ORMDL3: variants seen among roughly 807,000 people sequenced by gnomAD.
The protein encoded by ORMDL3 is ORMDL sphingolipid biosynthesis regulator 3, also known as ORM1-like protein 3.
In ORMDL3, 6 loss-of-function variants were observed where a neutral mutation model predicts 12.6. That is an observed-to-expected ratio of 0.48 (90% CI 0.26 to 0.94). The LOEUF (loss-of-function observed/expected upper bound fraction) is 0.94, where lower values mean the gene tolerates loss of function less well. ORMDL3 is among the 40% of genes least tolerant of loss of function. The pLI is 0.14. For synonymous variants in ORMDL3, 99 were observed against 87.2 expected (o/e 1.14, Z -0.75); for missense variants, 159 against 205.5 (o/e 0.77, Z 1.38).
Position 39,924,025 on chromosome 17 carries a change from C to T in ORMDL3, c.174+5G>A. 1.3e-6 allele frequency: 2 copies of T among 1,596,562 alleles called. No individual in the cohort carries two copies. Among genetic ancestry groups the T allele is most frequent in the Non-Finnish European group, 1.7e-6 (2 of 1,170,214 alleles). On this transcript the variant is annotated splice_donor_5th_base_variant and intron_variant, in intron 2 of 3. Coordinates refer to ENST00000304046, the MANE Select transcript of ORMDL3 (RefSeq NM_139280.4). ...GGCAGGGGCAGGCAGCAGACAGGCT[C>T]TCACCATGTTGTGAATGAGGTTGGT... is the stretch of plus-strand genomic sequence containing the variant.
In ORMDL3 at chr17:39,923,145, GA is replaced by G. The variant is rs776498371; in HGVS notation, c.292del (p.Ser98LeufsTer5). 9.9e-6 allele frequency: 16 copies of G among 1,614,112 alleles called. No homozygotes were observed. The Admixed American group carries it at 1.2e-4, about 12-fold the overall frequency. On this transcript the variant is annotated frameshift_variant, in exon 3 of 4. Coordinates refer to ENST00000304046, the MANE Select transcript of ORMDL3 (RefSeq NM_139280.4). LOFTEE classifies it high-confidence loss of function. ...QMDYGVQFTA[S>X]RKFLTITPIV... ...GGGTGTGATGGTCAAGAACTTCCGA[GA>G]GGCCGTGAACTGGACCCCATAATCC...
intron 3 of ORMDL3, 66 bp from the exon 4 acceptor site, chr17:39,922,751 C>T: frequency 1.9e-6 from 3 of 1,543,384 alleles, no homozygotes; most frequent in Non-Finnish European, 2.6e-6. Context: ...CCCTCACTTC[C>T]TGGGAGGGGA....
At chr17:39,922,973 T>G in intron 3 of ORMDL3, 139 bp downstream of exon 3, 1 of 1,226,754 alleles carries the variant, frequency 8.2e-7, no homozygotes, top group Non-Finnish European at 1.1e-6. Flanking sequence ...GAGTCCAGTG[T>G]AAGACCCAGG....
At chr17:39,923,308 C>T in intron 2 of ORMDL3, 45 bp from the exon 3 acceptor site, 3 of 1,599,852 alleles carry the variant, frequency 1.9e-6, no homozygotes, top group Non-Finnish European at 2.6e-6. Flanking sequence ...GGGAAAGGCC[C>T]CCCTGCCCAG....
Position 39,924,069 on chromosome 17 carries a change from G to T in ORMDL3, c.135C>A (p.Val45=). Residue 45 remains valine (V), a synonymous_variant, in exon 2 of 4, where the codon GTC becomes GTA. Transcript: ENST00000304046. ...GGTTGGTGAGGGTCCAGACGACAGGGACACTCACAAACGGGATGCTCAGCA... is the reference window on the plus strand; with the variant it reads ...GGTTGGTGAGGGTCCAGACGACAGGTACACTCACAAACGGGATGCTCAGCA... The part of the protein sequence containing the change: ...IVLLSIPFVS[V]PVVWTLTNLI... The T allele has an allele frequency of 6.2e-7, 1 of 1,613,292 alleles. No individual in the cohort carries two copies. Among genetic ancestry groups the T allele is most frequent in the Non-Finnish European group, 8.5e-7 (1 of 1,179,534 alleles).
chr17:39,922,596 A>C lies in ORMDL3; in HGVS notation c.416T>G (p.Leu139Arg). 1 of 1,614,204 alleles carries C rather than the reference A, an allele frequency of 6.2e-7. No homozygotes were observed. Among genetic ancestry groups the C allele is most frequent in the Non-Finnish European group, 8.5e-7 (1 of 1,180,028 alleles). Residue 139 changes from leucine (L) to arginine (R), a missense_variant, in exon 4 of 4, where the codon CTG becomes CGG. Coordinates refer to ENST00000304046, the MANE Select transcript of ORMDL3 (RefSeq NM_139280.4). ...VSLMSVLIPK[L>R]PQLHGVRIFG... ...AATCCGGACTCCGTGGAGCTGGGGC[A>C]GCTTGGGGATAAGCACGCTCATCAG... is the stretch of plus-strand genomic sequence containing the variant.
chr17:39,921,511 G>A lies in ORMDL3; in HGVS notation c.*1039C>T, dbSNP rs1024876558. ...GTGCCAGTCTGTATGAGGAAGTTAAGGGGTGAGGGCCTGCAGAGGACCACA... is the reference window on the plus strand; with the variant it reads ...GTGCCAGTCTGTATGAGGAAGTTAAAGGGTGAGGGCCTGCAGAGGACCACA... On this transcript the variant is annotated 3_prime_UTR_variant, in exon 4 of 4. Coordinates refer to ENST00000304046, the MANE Select transcript of ORMDL3 (RefSeq NM_139280.4). 4 of 152,378 alleles carry A rather than the reference G, an allele frequency of 2.6e-5. No individual in the cohort carries two copies. Among genetic ancestry groups the A allele is most frequent in the East Asian group, 1.9e-4 (1 of 5,340 alleles). The allele number at this position is 152,378 out of a possible 1,614,324, so 9.4% of individuals were successfully genotyped here.
At position 39,924,334 on chromosome 17, in the gene ORMDL3, G is replaced by A. The variant is rs1978324263; in HGVS notation, c.-22-109C>T. ...CTTGTTTCCCTGAGAACTCCAGGCA[G>A]TTCCACTCTTTTGATTCTGAAGCAT... On this transcript the variant is annotated intron_variant, in intron 1 of 3. Coordinates refer to ENST00000304046, the MANE Select transcript of ORMDL3 (RefSeq NM_139280.4). The A allele has an allele frequency of 4.9e-6, 5 of 1,019,340 alleles. No individual in the cohort carries two copies. In the South Asian group the frequency reaches 8.6e-5, roughly 17 times the overall value. 63.1% of individuals were successfully genotyped at this position (1,019,340 alleles called of 1,614,324 possible).
intron 1 of ORMDL3, chr17:39,926,049 C>T (rs1052962116): frequency 1.3e-5 from 2 of 151,932 alleles, no homozygotes; most frequent in Non-Finnish European, 2.9e-5. Flanking sequence ...AAAGAGCTTC[C>T]CAAGTCTGAC....
chr17:39,922,841 G>T (rs996890963), intron 3 of ORMDL3, among the ~76,000 whole-genome samples, 156 bp from the exon 4 acceptor site: 3 of 152,158 alleles, frequency 2.0e-5, no homozygotes, highest in African/African-American at 7.2e-5. Flanking sequence ...CAGGCTAAAG[G>T]GGCCCCTCCT....
At position 39,922,519 on chromosome 17, in the gene ORMDL3, G is replaced by A; in HGVS notation, c.*31C>T. 1 of 1,600,832 alleles carries A rather than the reference G, an allele frequency of 6.2e-7. No individual in the cohort carries two copies. Among genetic ancestry groups the A allele is most frequent in the Non-Finnish European group, 8.5e-7 (1 of 1,174,384 alleles). ...ATGCCTTTTACCCTACCCCTCCCCT[G>A]CCACCCTGGGCAGGGGAAGGGGCTG... On this transcript the variant is annotated 3_prime_UTR_variant, in exon 4 of 4. Transcript: ENST00000304046.
chr17:39,924,541 T>A (rs1166836122), intron 1 of ORMDL3, among the ~76,000 whole-genome samples: 1 of 151,980 alleles, frequency 6.6e-6, no homozygotes, highest in Non-Finnish European at 1.5e-5. Context: ...TCCCCCAGCC[T>A]CACCCCCTAT....
intron 1 of ORMDL3, among the ~76,000 whole-genome samples, chr17:39,924,511 G>A (rs754912591): frequency 2.0e-5 from 3 of 152,144 alleles, no homozygotes; most frequent in Non-Finnish European, 4.4e-5. Context: ...GCAGCCCCAG[G>A]GCAGAGAAGT....
At chr17:39,922,723 T>C (rs984265827) in intron 3 of ORMDL3, 38 bp from the exon 4 acceptor site, 8 of 1,601,806 alleles carry the variant, frequency 5.0e-6, no homozygotes, top group Admixed American at 1.7e-5. Context: ...TAAAAGACTG[T>C]TGGGAGGACC....
At chr17:39,924,694 T>C (rs28623237) in intron 1 of ORMDL3, 7,360 of 154,870 alleles carry the variant, frequency 0.048, 579 homozygotes, top group African/African-American at 0.16. Flanking sequence ...GGAAAGGAAG[T>C]GAGGCCTGTG....
intron 2 of ORMDL3, 104 bp downstream of exon 2, chr17:39,923,926 C>T (rs1978318978): frequency 8.1e-7 from 1 of 1,227,908 alleles, no homozygotes; most frequent in Non-Finnish European, 1.1e-6. Flanking sequence ...ATCACCCTGA[C>T]ACCTGGGCCA....
chr17:39,927,584 G>A lies in ORMDL3; in HGVS notation c.-123C>T. ...AACCCGCGGCTGCAGCCTCCCCGCT[G>A]GCAGCTCCGGCCGAATCAGCGCTCC... is the stretch of plus-strand genomic sequence containing the variant. On this transcript the variant is annotated 5_prime_UTR_variant, in exon 1 of 4. Coordinates refer to ENST00000304046, the MANE Select transcript of ORMDL3 (RefSeq NM_139280.4). 1 of 985,744 alleles carries A rather than the reference G, an allele frequency of 1.0e-6. No homozygotes were observed. The highest frequency in any genetic ancestry group is 1.2e-6 in the Non-Finnish European group (1 of 830,120). 61.1% of individuals were successfully genotyped at this position (985,744 alleles called of 1,614,324 possible).
rs1333127743 is a variant in ORMDL3 at position 39,922,542 on chromosome 17, C to T, written c.*8G>A. The T allele has an allele frequency of 1.9e-6, 3 of 1,612,770 alleles. No individual in the cohort carries two copies. The highest frequency in any genetic ancestry group is 2.5e-6 in the Non-Finnish European group (3 of 1,179,510). On this transcript the variant is annotated 3_prime_UTR_variant, in exon 4 of 4. Coordinates refer to ENST00000304046, the MANE Select transcript of ORMDL3 (RefSeq NM_139280.4). The stretch of plus-strand genomic sequence containing the variant: ...CTGCCACCCTGGGCAGGGGAAGGGG[C>T]TGCACTCTCAGTACTTATTGATTCC...
chr17:39,923,221 CAAAGGGT>C lies in ORMDL3; in HGVS notation c.210_216del (p.Pro71ArgfsTer11). 1 of 1,614,200 alleles carries C rather than the reference CAAAGGGT, an allele frequency of 6.2e-7. No individual in the cohort carries two copies. Among genetic ancestry groups the C allele is most frequent in the Non-Finnish European group, 8.5e-7 (1 of 1,180,024 alleles). On this transcript the variant is annotated frameshift_variant, in exon 3 of 4. Transcript: ENST00000304046. LOFTEE classifies it high-confidence loss of function. ...CTCGCCTTGCCCTGGTCCGGGGTCT[CAAAGGGT>C]GTCCCCTTCACCGTGTGCAGGAAGA...
Sources: allele counts gnomAD v4.1 joint callset (sites outside exome capture counted in the v4.1 genomes callset), GRCh38; gene constraint gnomAD v4.1.1; transcripts MANE v1.5; gene names NCBI Gene and HGNC (gene_info 2026-07-23, HGNC 2026-07-21).